The following STPG1 variants were observed in gnomAD, a reference collection of about 807,000 sequenced individuals.
The protein encoded by STPG1 is O(6)-methylguanine-induced apoptosis 2.
STPG1 carries 33 observed loss-of-function variants against 40.1 expected under a neutral mutation model. The observed-to-expected ratio is 0.82, with a 90% CI of 0.62 to 1.10. The LOEUF (loss-of-function observed/expected upper bound fraction) is 1.10, where lower values mean the gene tolerates loss of function less well. STPG1 is among the 50% of genes least tolerant of loss of function. The probability of loss-of-function intolerance (pLI) is 0.00; values close to 1 mark genes in which losing one functional copy is unlikely to be tolerated. For synonymous variants in STPG1, 150 were observed against 155.0 expected (o/e 0.97, Z 0.24); for missense variants, 396 against 415.1 (o/e 0.95, Z 0.40).
intron 2 of STPG1, among the ~76,000 whole-genome samples, chr1:24,396,299 CA>C (rs1643004770): frequency 6.9e-6 from 1 of 144,356 alleles, no homozygotes; most frequent in Non-Finnish European, 1.5e-5. Context: ...ATCTATCTAT[CA>C]TCTATCTATC....
At position 24,359,429 on chromosome 1, in the gene STPG1, G is replaced by C. The variant is rs1640946386; in HGVS notation, c.929-810C>G. On this transcript the variant is annotated intron_variant, in intron 8 of 8. Transcript: ENST00000337248. This position sits in a 1 kb window ranked among gnomAD's most constrained non-coding sequence, Gnocchi z 5.3. ...CCTTGTATGGAGCATTTGCATGTTT[G>C]CAATGCTGAGTTCTCCTCGACTGAC... 6.6e-6 allele frequency among the ~76,000 whole-genome samples: 1 copy of C among 152,216 alleles called. No homozygotes were observed.
At chr1:24,358,726 C>T (rs1640891497) in intron 8 of STPG1, 107 bp from the exon 9 acceptor site, 1 of 770,270 alleles carries the variant, frequency 1.3e-6, no homozygotes, top group African/African-American at 1.7e-5. Context: ...CCTGTGCCAG[C>T]CCCTGTATCT....
Position 24,399,181 on chromosome 1 carries a change from T to C in STPG1, c.70+2138A>G, listed in dbSNP as rs1643122058. The stretch of plus-strand genomic sequence containing the variant: ...CAAAGAAGTACAAAGTTGAAGGGCT[T>C]ATGCTACTAAAGAGTTATTATAAAG... On this transcript the variant is annotated intron_variant, in intron 2 of 8. Transcript: ENST00000337248. This position sits in a 1 kb window ranked among gnomAD's most constrained non-coding sequence, Gnocchi z 4.0. Among the ~76,000 whole-genome samples the C allele has an allele frequency of 6.6e-6, 1 of 152,196 alleles. No homozygotes were observed. Among genetic ancestry groups the C allele is most frequent in the Admixed American group, 6.5e-5 (1 of 15,276 alleles).
chr1:24,371,361 G>C (rs12074947), intron 6 of STPG1, among the ~76,000 whole-genome samples: 3 of 152,052 alleles, frequency 2.0e-5, no homozygotes, highest in African/African-American at 7.3e-5. Flanking sequence ...GGCAAGGTGG[G>C]CAGAACACTT....
At chr1:24,411,002 A>C (rs1320251651) in intron 1 of STPG1, among the ~76,000 whole-genome samples, 8 of 152,132 alleles carry the variant, frequency 5.3e-5, no homozygotes, top group African/African-American at 1.9e-4. Context: ...CCTCCTCCAT[A>C]AACTGGGAGT....
rs1030187102 is a variant in STPG1, at chr1:24,399,232, T to C, written c.70+2087A>G. Reference sequence around the variant, plus strand: ...TTACAGTAATTAGGACAGTATGATATTTGAACAGAATAAATAATCAAGAAG... The same window carrying C: ...TTACAGTAATTAGGACAGTATGATACTTGAACAGAATAAATAATCAAGAAG... On this transcript the variant is annotated intron_variant, in intron 2 of 8. Transcript: ENST00000337248. The surrounding 1 kb of genome is among the most constrained non-coding windows in gnomAD (Gnocchi z 4.0). Among the ~76,000 whole-genome samples, 1 of 152,186 alleles carries C rather than the reference T, an allele frequency of 6.6e-6. No homozygotes were observed. Among genetic ancestry groups the C allele is most frequent in the Non-Finnish European group, 1.5e-5 (1 of 68,020 alleles).
chr1:24,391,344 T>TCCAGACA, intron 3 of STPG1: 1 of 371,750 alleles, frequency 2.7e-6, no homozygotes, highest in East Asian at 4.2e-5. Context: ...GCGCCATAAA[T>TCCAGACA]CCAGACACAG....
chr1:24,403,642 T>G (rs1643308964), intron 1 of STPG1, among the ~76,000 whole-genome samples: 1 of 152,144 alleles, frequency 6.6e-6, no homozygotes, highest in African/African-American at 2.4e-5. Context: ...TCAGCAATAT[T>G]TTACAGTTAT....
intron 7 of STPG1, among the ~76,000 whole-genome samples, chr1:24,368,449 C>G (rs1419196238): frequency 1.3e-5 from 2 of 152,194 alleles, no homozygotes; most frequent in Non-Finnish European, 2.9e-5. Context: ...GTGGCCAGCT[C>G]TGTCTGGAGG....
chr1:24,414,517 G>A (rs1328974544), upstream of STPG1: 1 of 150,558 alleles, frequency 6.6e-6, no homozygotes, highest in Non-Finnish European at 1.5e-5. Flanking sequence ...TTTAAATTTA[G>A]GGTGAAATCC....
Position 24,358,552 on chromosome 1 carries a change from C to A in STPG1, c.996G>T (p.Pro332=). ...ACCTTGTGTGACATCCCTACAGAAC[C>A]GGGATCCATTTCTTGTCCTCGTTGT... ...FLYNEDKKWI[P]VL is the part of the protein sequence containing the mutation. The change falls in exon 9 of 9, where the codon CCG becomes CCT. Residue 332 remains proline, a synonymous_variant. Transcript: ENST00000337248. The A allele has an allele frequency of 6.2e-7, 1 of 1,613,694 alleles. No individual in the cohort carries two copies. The highest frequency in any genetic ancestry group is 8.5e-7 in the Non-Finnish European group (1 of 1,179,586).
At chr1:24,374,244 GTTTTTTTTTTTTGT>G (rs1478227708) in intron 5 of STPG1, among the ~76,000 whole-genome samples, 53 of 93,284 alleles carry the variant, frequency 5.7e-4, no homozygotes, top group South Asian at 1.5e-3. Context: ...CTAGGAAAGT[GTTTTTTTTTTTTGT>G]TTTTTTTTTT....
chr1:24,412,325 C>A (rs899942977), intron 1 of STPG1, among the ~76,000 whole-genome samples: 2 of 152,190 alleles, frequency 1.3e-5, no homozygotes, highest in African/African-American at 4.8e-5. Context: ...CATCGTCCTG[C>A]AGTCCTGTCA....
intron 7 of STPG1, chr1:24,364,225 C>A (rs535901162): frequency 9.1e-6 from 14 of 1,544,554 alleles, no homozygotes; most frequent in Admixed American, 4.0e-5. Flanking sequence ...TCGCCACCCC[C>A]CACCTGACTG....
At position 24,382,868 on chromosome 1, in the gene STPG1, G is replaced by A. The variant is rs114395629; in HGVS notation, c.291+1034C>T. Among the ~76,000 whole-genome samples, 714 of 150,114 alleles carry A rather than the reference G, an allele frequency of 4.8e-3. 5 individuals are homozygous for A. Among genetic ancestry groups the A allele is most frequent in the African/African-American group, 0.016 (657 of 40,780 alleles). ...TTATAACTTTTAAAGGGACAAGATG[G>A]CATATGTTTGTTAATTTAATGTTAG... On this transcript the variant is annotated intron_variant, in intron 4 of 8. Transcript: ENST00000337248.
At chr1:24,395,490 T>C (rs897284360) in intron 2 of STPG1, among the ~76,000 whole-genome samples, 4 of 147,588 alleles carry the variant, frequency 2.7e-5, no homozygotes, top group African/African-American at 7.6e-5. Context: ...TGGAGTGCAA[T>C]GGCGCTATCT....
intron 7 of STPG1, among the ~76,000 whole-genome samples, chr1:24,367,373 T>C (rs561066166): frequency 3.9e-5 from 6 of 152,382 alleles, no homozygotes; most frequent in South Asian, 4.1e-4. Flanking sequence ...TCCACTCTTA[T>C]GTTATTTCAC....
chr1:24,361,501 T>C (rs1641114482), intron 7 of STPG1, among the ~76,000 whole-genome samples: 1 of 152,106 alleles, frequency 6.6e-6, no homozygotes, highest in Non-Finnish European at 1.5e-5. Flanking sequence ...TTGTGATGCC[T>C]GCCATGGTCA....
Position 24,373,768 on chromosome 1 carries a change from G to T in STPG1, c.505C>A (p.Arg169=). The part of the protein sequence containing the change: ...CCKQRNNVCT[R]AGFMSKTQRG... The stretch of plus-strand genomic sequence containing the variant: ...TGGGTTTTTGACATAAACCCGGCTC[G>T]AGTACAGACGTTGTTTCTCTGCTTG... The change falls in exon 6 of 9, where the codon CGA becomes AGA. Residue 169 remains arginine, a synonymous_variant. Coordinates refer to ENST00000337248, the MANE Select transcript of STPG1 (RefSeq NM_001199013.2). 6.2e-7 allele frequency: 1 copy of T among 1,611,968 alleles called. No homozygotes were observed. The highest frequency in any genetic ancestry group is 8.5e-7 in the Non-Finnish European group (1 of 1,178,114).
Sources: allele counts gnomAD v4.1 joint callset (sites outside exome capture counted in the v4.1 genomes callset), GRCh38; gene constraint gnomAD v4.1.1; non-coding constraint Gnocchi (gnomAD v3.1); transcripts MANE v1.5; gene names NCBI Gene and HGNC (gene_info 2026-07-23, HGNC 2026-07-21).